Variants in GALNT13 observed in about 807,000 individuals in gnomAD.
GALNT13 encodes the protein UDP-GalNAc:polypeptide N-acetylgalactosaminyltransferase 13.
A neutral mutation model predicts 64.2 loss-of-function variants in GALNT13; 28 were observed. The ratio of observed to expected loss-of-function variants is 0.44; its 90% CI spans 0.32 to 0.60. GALNT13 has a LOEUF of 0.60. Ranked by LOEUF, GALNT13 falls within the 20% of genes least tolerant of loss-of-function variation. The probability of loss-of-function intolerance (pLI) is 0.05; values close to 1 mark genes in which losing one functional copy is unlikely to be tolerated. For missense variants in GALNT13, 577 were observed against 669.8 expected (o/e 0.86, Z 1.53); for synonymous variants, 214 against 224.6 (o/e 0.95, Z 0.42).
At chr2:153,717,986 G>C in the GALNT13 span, among the ~76,000 whole-genome samples, 5,024 of 151,842 alleles carry the variant, frequency 0.033, 115 homozygotes, top group Non-Finnish European at 0.049. Flanking sequence ...CAAAGCCACA[G>C]GATGTCTGCA....
At chr2:153,507,920 T>C in the GALNT13 span, among the ~76,000 whole-genome samples, 2 of 151,970 alleles carry the variant, frequency 1.3e-5, no homozygotes, top group African/African-American at 2.4e-5. Flanking sequence ...AGAGCCAAAC[T>C]GTGGTACTTG....
At chr2:153,224,560 C>G in the GALNT13 span, among the ~76,000 whole-genome samples, 1 of 151,890 alleles carries the variant, frequency 6.6e-6, no homozygotes, top group African/African-American at 2.4e-5. Flanking sequence ...GAAAATAAAG[C>G]CAAAAGCTAT....
chr2:153,728,050 C>T, the GALNT13 span, among the ~76,000 whole-genome samples: 1 of 152,272 alleles, frequency 6.6e-6, no homozygotes, highest in East Asian at 1.9e-4. Flanking sequence ...CAGCTTCATC[C>T]ATGTCTCTGC....
the GALNT13 span, among the ~76,000 whole-genome samples, chr2:153,621,124 C>G: frequency 1.3e-5 from 2 of 152,036 alleles, no homozygotes; most frequent in Admixed American, 6.6e-5. Flanking sequence ...GTCCGTCTCT[C>G]TCTCTCTCTC....
the GALNT13 span, among the ~76,000 whole-genome samples, chr2:153,760,240 A>G: frequency 2.6e-5 from 4 of 151,788 alleles, no homozygotes; most frequent in African/African-American, 9.7e-5. Flanking sequence ...TTGATTTCAT[A>G]GATTTTCTTC....
At chr2:153,341,735 G>A in the GALNT13 span, among the ~76,000 whole-genome samples, 2 of 152,176 alleles carry the variant, frequency 1.3e-5, no homozygotes, top group African/African-American at 4.8e-5. Context: ...TGCCTACTGT[G>A]CTATAATACT....
At chr2:153,604,697 G>A in the GALNT13 span, among the ~76,000 whole-genome samples, 40 of 151,966 alleles carry the variant, frequency 2.6e-4, no homozygotes, top group Non-Finnish European at 3.8e-4. Context: ...TTGTCATTCA[G>A]TGTATATCAT....
chr2:153,093,828 C>G, the GALNT13 span, among the ~76,000 whole-genome samples: 1 of 152,042 alleles, frequency 6.6e-6, no homozygotes, highest in Admixed American at 6.6e-5. Context: ...TACTGGGAGA[C>G]TTTTTATTAT....
At chr2:153,931,049 G>A (rs1385652941) in intron 2 of GALNT13, among the ~76,000 whole-genome samples, 1 of 144,774 alleles carries the variant, frequency 6.9e-6, no homozygotes, top group African/African-American at 2.6e-5. Flanking sequence ...CTGGGTAGCT[G>A]TATTGCTGTA....
chr2:153,283,087 G>A, the GALNT13 span, among the ~76,000 whole-genome samples: 2 of 152,186 alleles, frequency 1.3e-5, no homozygotes, highest in Non-Finnish European at 2.9e-5. Flanking sequence ...CTCAGGCAAT[G>A]GGGTGATCCA....
At chr2:153,099,024 G>A in the GALNT13 span, among the ~76,000 whole-genome samples, 1 of 152,090 alleles carries the variant, frequency 6.6e-6, no homozygotes, top group Non-Finnish European at 1.5e-5. Flanking sequence ...CCGAGGCTGA[G>A]GCAAGGGAAT....
chr2:153,112,043 A>T, the GALNT13 span, among the ~76,000 whole-genome samples: 1 of 152,050 alleles, frequency 6.6e-6, no homozygotes. Context: ...CACCAAATCA[A>T]GTGACTGCCT....
At chr2:153,791,082 G>A in the GALNT13 span, among the ~76,000 whole-genome samples, 2 of 151,998 alleles carry the variant, frequency 1.3e-5, no homozygotes, top group African/African-American at 4.8e-5. Context: ...GATTAAATAG[G>A]CATATTACAA....
chr2:153,125,139 G>A, the GALNT13 span, among the ~76,000 whole-genome samples: 1 of 152,152 alleles, frequency 6.6e-6, no homozygotes, highest in Non-Finnish European at 1.5e-5. Flanking sequence ...ATTTGATATT[G>A]ATTTGAAATT....
chr2:153,083,135 A>G, the GALNT13 span, among the ~76,000 whole-genome samples: 1 of 152,162 alleles, frequency 6.6e-6, no homozygotes, highest in African/African-American at 2.4e-5. Flanking sequence ...TGAGTTTCAT[A>G]TATTTGCAAT....
At chr2:153,390,477 T>C in the GALNT13 span, among the ~76,000 whole-genome samples, 1 of 152,004 alleles carries the variant, frequency 6.6e-6, no homozygotes. Context: ...AAAAGAATAG[T>C]GTTTATAAAA....
intron 3 of GALNT13, among the ~76,000 whole-genome samples, chr2:154,022,718 T>C (rs1047800430): frequency 3.9e-5 from 6 of 152,222 alleles, no homozygotes; most frequent in African/African-American, 1.2e-4. Flanking sequence ...TGATCTTAGT[T>C]ATTTCTTGCC....
chr2:153,209,582 A>C, the GALNT13 span, among the ~76,000 whole-genome samples: 1 of 152,154 alleles, frequency 6.6e-6, no homozygotes, highest in African/African-American at 2.4e-5. Flanking sequence ...TATAATTTTG[A>C]AATCAGGTAA....
the GALNT13 span, among the ~76,000 whole-genome samples, chr2:153,685,728 A>T: frequency 6.6e-6 from 1 of 151,994 alleles, no homozygotes; most frequent in South Asian, 2.1e-4. Context: ...TTTCATCAGG[A>T]TATCGTTGCC....
Sources: allele counts gnomAD v4.1 joint callset (sites outside exome capture counted in the v4.1 genomes callset), GRCh38; gene constraint gnomAD v4.1.1; transcripts MANE v1.5; gene names NCBI Gene and HGNC (gene_info 2026-07-23, HGNC 2026-07-21).